Variants in COLQ observed in about 807,000 individuals in gnomAD.
COLQ encodes the protein acetylcholinesterase collagenic tail peptide.
In COLQ, 48 loss-of-function variants were observed where a neutral mutation model predicts 69.0. The observed-to-expected ratio is 0.70, with a 90% CI of 0.55 to 0.88. COLQ has a LOEUF of 0.88. COLQ is among the 40% of genes least tolerant of loss of function. COLQ has a pLI of 0.00. For missense variants in COLQ, 618 were observed against 594.6 expected (o/e 1.04, Z -0.41); for synonymous variants, 217 against 211.2 (o/e 1.03, Z -0.24).
At chr3:15,456,085 T>G (rs1575461908) in intron 14 of COLQ, 66 bp from the exon 15 acceptor site, 1 of 1,597,652 alleles carries the variant, frequency 6.3e-7, no homozygotes, top group East Asian at 2.3e-5. Context: ...GGCAGGGAGG[T>G]CATTGGTTTT....
At chr3:15,460,426 C>T (rs2062095076) in intron 12 of COLQ, among the ~76,000 whole-genome samples, 1 of 152,152 alleles carries the variant, frequency 6.6e-6, no homozygotes, top group South Asian at 2.1e-4. Flanking sequence ...ATCCCTTCTT[C>T]TGGGAAAATA....
chr3:15,480,614 C>T (rs899454834), intron 3 of COLQ, among the ~76,000 whole-genome samples: 1 of 152,192 alleles, frequency 6.6e-6, no homozygotes, highest in Non-Finnish European at 1.5e-5. Flanking sequence ...CAAGTCTTTG[C>T]TATTGTGAAT....
chr3:15,485,865 T>C (rs999684501), intron 3 of COLQ, among the ~76,000 whole-genome samples: 5 of 152,124 alleles, frequency 3.3e-5, no homozygotes, highest in South Asian at 2.1e-4. Flanking sequence ...GGGAGGCTGA[T>C]GTAGGAGGCT....
chr3:15,465,189 G>A (rs1295797079), intron 12 of COLQ, among the ~76,000 whole-genome samples: 2 of 150,358 alleles, frequency 1.3e-5, no homozygotes, highest in Non-Finnish European at 3.0e-5. Context: ...CAACATACAA[G>A]GAAGCAGTGT....
At chr3:15,477,956 A>G (rs1370463101) in intron 5 of COLQ, among the ~76,000 whole-genome samples, 3 of 152,206 alleles carry the variant, frequency 2.0e-5, no homozygotes, top group Non-Finnish European at 4.4e-5. Flanking sequence ...CCTGCAAGAG[A>G]GAGTGGGTGC....
At chr3:15,475,207 G>C (rs1559519496) in intron 7 of COLQ, 4 of 650,110 alleles carry the variant, frequency 6.2e-6, no homozygotes, top group Non-Finnish European at 8.0e-6. Flanking sequence ...CCAGAAGCTT[G>C]GTTCTTCCTG....
At chr3:15,487,235 G>C (rs2062589250) in intron 3 of COLQ, among the ~76,000 whole-genome samples, 1 of 152,186 alleles carries the variant, frequency 6.6e-6, no homozygotes, top group Non-Finnish European at 1.5e-5. Flanking sequence ...CATAGAAGCT[G>C]AGTCCTGAGT....
At chr3:15,501,254 T>A in intron 1 of COLQ, among the ~76,000 whole-genome samples, 1 of 152,212 alleles carries the variant, frequency 6.6e-6, no homozygotes, top group Non-Finnish European at 1.5e-5. Context: ...GCTAGAGACC[T>A]CTTCTGGAAT....
intron 1 of COLQ, among the ~76,000 whole-genome samples, chr3:15,492,582 G>A (rs2062686367): frequency 6.6e-6 from 1 of 152,064 alleles, no homozygotes; most frequent in Non-Finnish European, 1.5e-5. Context: ...TGGGAGAATG[G>A]CGTGAACCCG....
chr3:15,480,260 C>T (rs1339400568), intron 3 of COLQ, among the ~76,000 whole-genome samples: 1 of 152,114 alleles, frequency 6.6e-6, no homozygotes, highest in Non-Finnish European at 1.5e-5. Flanking sequence ...TATACATGTG[C>T]CATCTTGGTG....
At chr3:15,474,426 G>A (rs1434611040) in intron 8 of COLQ, among the ~76,000 whole-genome samples, 154 bp from the exon 9 acceptor site, 1 of 152,206 alleles carries the variant, frequency 6.6e-6, no homozygotes, top group African/African-American at 2.4e-5. Flanking sequence ...GGGAAGGAAT[G>A]CTTTGTGATC....
chr3:15,470,143 A>T lies in COLQ; in HGVS notation c.717+393T>A, dbSNP rs148875817. Among the ~76,000 whole-genome samples the T allele has an allele frequency of 5.9e-5, 9 of 152,366 alleles. No individual in the cohort carries two copies. The East Asian group carries it at 1.7e-3, about 29-fold the overall frequency. ...GTTGAGACCCAGAAGACCTCTCAAC[A>T]GCAGGAAAATATCTAGGCTCATTTT... On this transcript the variant is annotated intron_variant, in intron 11 of 16. Coordinates refer to ENST00000383788, the MANE Select transcript of COLQ (RefSeq NM_005677.4).
Position 15,521,684 on chromosome 3 carries a change from A to C in COLQ, c.-59T>G, listed in dbSNP as rs1237611242. Reference sequence around the variant, plus strand: ...AGGAGGCTGCTGCGGAGCCTTGCTTATCTCTGCTTTTCTCTTCCTCACTGC... The same window carrying C: ...AGGAGGCTGCTGCGGAGCCTTGCTTCTCTCTGCTTTTCTCTTCCTCACTGC... On this transcript the variant is annotated 5_prime_UTR_variant, in exon 1 of 17. Transcript: ENST00000383788. 9 of 1,608,014 alleles carry C rather than the reference A, an allele frequency of 5.6e-6. No individual in the cohort carries two copies. In the African/African-American group the frequency reaches 8.0e-5, roughly 14 times the overall value.
chr3:15,505,789 G>T lies in COLQ; in HGVS notation c.106+15731C>A, dbSNP rs1575493908. Among the ~76,000 whole-genome samples, 3 of 152,212 alleles carry T rather than the reference G, an allele frequency of 2.0e-5. No homozygotes were observed. The East Asian group carries it at 5.8e-4, about 29-fold the overall frequency. ...AAAGGGTGGGTTATTTCCAACACCT[G>T]CTGACAACTGTGACTGCGTGGAAAG... On this transcript the variant is annotated intron_variant, in intron 1 of 16. Coordinates refer to ENST00000383788, the MANE Select transcript of COLQ (RefSeq NM_005677.4).
chr3:15,487,200 G>A (rs1473234863), intron 3 of COLQ, among the ~76,000 whole-genome samples: 1 of 152,180 alleles, frequency 6.6e-6, no homozygotes, highest in African/African-American at 2.4e-5. Context: ...GTGGGTGGTA[G>A]AAGAAGGCAT....
chr3:15,469,248 C>A (rs2062245725), intron 11 of COLQ, among the ~76,000 whole-genome samples: 3 of 152,088 alleles, frequency 2.0e-5, no homozygotes. Flanking sequence ...CAAGAAATGG[C>A]CTTCCTGGCT....
At chr3:15,503,855 T>C (rs928792308) in intron 1 of COLQ, among the ~76,000 whole-genome samples, 1 of 151,826 alleles carries the variant, frequency 6.6e-6, no homozygotes, top group South Asian at 2.1e-4. Context: ...CTAGAGAGAA[T>C]GAGCAGGAAA....
Position 15,454,722 on chromosome 3 carries a change from C to T in COLQ, c.1196-791G>A, listed in dbSNP as rs541901518. 1.1e-4 allele frequency among the ~76,000 whole-genome samples: 17 copies of T among 148,398 alleles called. No homozygotes were observed. The South Asian group carries it at 2.1e-3, about 19-fold the overall frequency. ...CCAGCCTGGAGTGCAGTGGTGCAAT[C>T]GCAGTTCACTGCAGCCTTGAACCCC... On this transcript the variant is annotated intron_variant, in intron 15 of 16. Coordinates refer to ENST00000383788, the MANE Select transcript of COLQ (RefSeq NM_005677.4).
intron 3 of COLQ, among the ~76,000 whole-genome samples, chr3:15,482,011 T>C (rs753194520): frequency 2.6e-5 from 4 of 152,192 alleles, no homozygotes; most frequent in Non-Finnish European, 4.4e-5. Context: ...TTTGCCTCTC[T>C]GTTTGTCTGT....
Sources: allele counts gnomAD v4.1 joint callset (sites outside exome capture counted in the v4.1 genomes callset), GRCh38; gene constraint gnomAD v4.1.1; transcripts MANE v1.5; gene names NCBI Gene and HGNC (gene_info 2026-07-23, HGNC 2026-07-21).